Variants in NFIA observed in about 807,000 individuals in gnomAD.
NFIA encodes nuclear factor 1 A-type.
NFIA carries 8 observed loss-of-function variants against 62.8 expected under a neutral mutation model. The observed-to-expected ratio is 0.13, with a 90% CI of 0.07 to 0.23. The LOEUF (loss-of-function observed/expected upper bound fraction) is 0.23, where lower values mean the gene tolerates loss of function less well. Among genes scored for constraint, NFIA ranks in the 10% least tolerant of loss-of-function variants. The probability of loss-of-function intolerance (pLI) is 1.00; values close to 1 mark genes in which losing one functional copy is unlikely to be tolerated. For missense variants in NFIA, 410 were observed against 642.1 expected (o/e 0.64, Z 3.91); for synonymous variants, 235 against 238.1 (o/e 0.99, Z 0.12).
chr1:61,347,797 C>A (rs1662323687), intron 4 of NFIA, among the ~76,000 whole-genome samples: 1 of 152,150 alleles, frequency 6.6e-6, no homozygotes, highest in South Asian at 2.1e-4. Flanking sequence ...TTTATCATTT[C>A]AAGTTTAAGA....
At chr1:61,369,139 T>C (rs1257619443) in intron 6 of NFIA, among the ~76,000 whole-genome samples, 5 of 152,174 alleles carry the variant, frequency 3.3e-5, no homozygotes, top group Admixed American at 2.0e-4. Flanking sequence ...TTTCGTAATA[T>C]CAGAGTCGAA....
intron 2 of NFIA, among the ~76,000 whole-genome samples, chr1:61,175,610 T>C (rs2100554062): frequency 6.6e-6 from 1 of 152,360 alleles, no homozygotes. Context: ...AAAAAGGCAG[T>C]ATTAAAAATG....
intron 2 of NFIA, among the ~76,000 whole-genome samples, chr1:61,126,462 A>ACACACTCACACACACACT (rs1553153075): frequency 6.9e-6 from 1 of 145,820 alleles, no homozygotes; most frequent in Admixed American, 6.9e-5. Flanking sequence ...ACACACACAC[A>ACACACTCACACACACACT]CACACACACA....
At chr1:61,187,597 C>T (rs1470521742) in intron 2 of NFIA, among the ~76,000 whole-genome samples, 1 of 152,206 alleles carries the variant, frequency 6.6e-6, no homozygotes, top group African/African-American at 2.4e-5. Flanking sequence ...AGATCTGTTC[C>T]TTTCTTTCTA....
In NFIA at chr1:61,457,018, T is replaced by C. The variant is rs1668339104; in HGVS notation, c.*1698T>C. The C allele has an allele frequency of 6.6e-6, 1 of 152,152 alleles. No individual in the cohort carries two copies. The highest frequency in any genetic ancestry group is 2.4e-5 in the African/African-American group (1 of 41,438). The allele number at this position is 152,152 out of a possible 1,614,324, so 9.4% of individuals were successfully genotyped here. Reference sequence around the variant, plus strand: ...ATGTTCTAGTGTTAGTAACTAATTTTTATATAGTTAATGTAGGATAAAGTA... The same window carrying C: ...ATGTTCTAGTGTTAGTAACTAATTTCTATATAGTTAATGTAGGATAAAGTA... On this transcript the variant is annotated 3_prime_UTR_variant, in exon 11 of 11. Coordinates refer to ENST00000403491, the MANE Select transcript of NFIA (RefSeq NM_001134673.4). This position sits in a 1 kb window ranked among gnomAD's most constrained non-coding sequence, Gnocchi z 4.2.
chr1:61,133,169 T>C (rs1647112040), intron 2 of NFIA: 1 of 152,066 alleles, frequency 6.6e-6, no homozygotes, highest in African/African-American at 2.4e-5. Context: ...TGTGAACCAA[T>C]GTGTAACTCA....
chr1:61,405,636 C>G (rs1345982966), intron 8 of NFIA, among the ~76,000 whole-genome samples: 1 of 152,230 alleles, frequency 6.6e-6, no homozygotes, highest in Non-Finnish European at 1.5e-5. Context: ...CATCAAGCAT[C>G]TGACTTCTAA....
intron 2 of NFIA, among the ~76,000 whole-genome samples, chr1:61,214,594 C>T (rs182823): frequency 0.69 from 104,447 of 152,030 alleles, 37,646 homozygotes; most frequent in African/African-American, 0.91. Flanking sequence ...GATAACAAAA[C>T]TGAGGCTCTG....
intron 3 of NFIA, among the ~76,000 whole-genome samples, chr1:61,325,054 G>A (rs1318714975): frequency 6.6e-6 from 1 of 152,192 alleles, no homozygotes; most frequent in Admixed American, 6.5e-5. Context: ...GTACAGAATT[G>A]TAGAGATAGC....
At chr1:61,328,209 C>A (rs563475814) in intron 3 of NFIA, among the ~76,000 whole-genome samples, 1 of 151,896 alleles carries the variant, frequency 6.6e-6, no homozygotes, top group South Asian at 2.1e-4. Context: ...GCAGGGGGCT[C>A]AGAACACATT....
At position 61,302,218 on chromosome 1, in the gene NFIA, A is replaced by G. The variant is rs114222258; in HGVS notation, c.625+24633A>G. ...TAAATGCTCCGGATGGGTACTCTAC[A>G]AAAGTCTTGGTCATATAGAACCTAT... On this transcript the variant is annotated intron_variant, in intron 3 of 10. Coordinates refer to ENST00000403491, the MANE Select transcript of NFIA (RefSeq NM_001134673.4). Among the ~76,000 whole-genome samples the G allele has an allele frequency of 7.1e-3, 1,087 of 152,304 alleles. 9 individuals carry two copies. The highest frequency in any genetic ancestry group is 9.6e-3 in the Non-Finnish European group (653 of 68,022).
At chr1:61,114,437 C>G (rs949750190) in intron 2 of NFIA, among the ~76,000 whole-genome samples, 1 of 151,976 alleles carries the variant, frequency 6.6e-6, no homozygotes, top group African/African-American at 2.4e-5. Context: ...TTCAGTGAGC[C>G]TCAGTTGTAC....
intron 2 of NFIA, among the ~76,000 whole-genome samples, chr1:61,196,188 T>C (rs1570358593): frequency 6.6e-6 from 1 of 152,232 alleles, no homozygotes; most frequent in Admixed American, 6.5e-5. Flanking sequence ...GAGAAAATTA[T>C]AGCTTTAGTG....
intron 2 of NFIA, among the ~76,000 whole-genome samples, chr1:61,232,458 GC>G (rs1654738269): frequency 6.6e-6 from 1 of 152,112 alleles, no homozygotes; most frequent in Admixed American, 6.5e-5. Flanking sequence ...AAGTGGTAAA[GC>G]CACAAGTGAA....
chr1:61,145,417 G>A (rs1162020207), intron 2 of NFIA, among the ~76,000 whole-genome samples: 1 of 152,080 alleles, frequency 6.6e-6, no homozygotes, highest in Admixed American at 6.6e-5. Flanking sequence ...ATTATCTACT[G>A]GATGACTTAG....
chr1:61,419,520 G>A (rs981478270), intron 9 of NFIA, among the ~76,000 whole-genome samples: 1 of 152,146 alleles, frequency 6.6e-6, no homozygotes, highest in Admixed American at 6.5e-5. Flanking sequence ...GGTAACATAA[G>A]GTCAAAGCGT....
chr1:61,107,692 A>G (rs1415907553), intron 2 of NFIA, among the ~76,000 whole-genome samples: 1 of 151,670 alleles, frequency 6.6e-6, no homozygotes, highest in African/African-American at 2.4e-5. Flanking sequence ...AAATTTATCA[A>G]TCTTTATCAC....
At chr1:61,118,082 G>C (rs1182488667) in intron 2 of NFIA, among the ~76,000 whole-genome samples, 2 of 151,952 alleles carry the variant, frequency 1.3e-5, no homozygotes, top group Non-Finnish European at 2.9e-5. Context: ...CTACTCAGGA[G>C]GTTGAGACAG....
At chr1:61,249,905 G>A (rs1205920166) in intron 2 of NFIA, 1 of 152,196 alleles carries the variant, frequency 6.6e-6, no homozygotes, top group Non-Finnish European at 1.5e-5. Context: ...ATTCAAGGAA[G>A]CAAACATGGT....
Sources: gnomAD v4.1 joint callset for allele counts (sites outside exome capture counted in the v4.1 genomes callset) on GRCh38, gnomAD v4.1.1 for gene constraint, Gnocchi (gnomAD v3.1) non-coding constraint, MANE v1.5 for transcripts, NCBI Gene and HGNC (gene_info 2026-07-23, HGNC 2026-07-21) for gene names.